Variants in SALL1 observed in about 807,000 individuals in gnomAD.
SALL1 encodes the protein spalt like transcription factor 1.
SALL1 carries 10 observed loss-of-function variants against 73.1 expected under a neutral mutation model. The ratio of observed to expected loss-of-function variants is 0.14; its 90% CI spans 0.08 to 0.23. SALL1 has a LOEUF of 0.23. Among genes scored for constraint, SALL1 ranks in the 10% least tolerant of loss-of-function variants. SALL1 has a pLI of 1.00. For synonymous variants in SALL1, 688 were observed against 689.8 expected, an observed-to-expected ratio of 1.00 and a Z score of 0.04; for missense variants, 1,520 against 1,697.3, an observed-to-expected ratio of 0.90 and a Z score of 1.84.
At chr16:51,150,946 G>C (rs1962589326) in intron 1 of SALL1, 4 of 412,666 alleles carry the variant, frequency 9.7e-6, no homozygotes, top group Non-Finnish European at 1.7e-5. Context: ...AGATCCTGCC[G>C]GGAGATGTGC....
chr16:51,137,049 A>C lies in SALL1; in HGVS notation c.*63T>G. 1.3e-6 allele frequency: 2 copies of C among 1,517,794 alleles called. No individual in the cohort carries two copies. The highest frequency in any genetic ancestry group is 1.8e-6 in the Non-Finnish European group (2 of 1,099,164). 94.0% of individuals were successfully genotyped at this position (1,517,794 alleles called of 1,614,324 possible). A position where few individuals can be genotyped will look rare whatever the true frequency, so the allele number is the denominator to read the frequency against. On this transcript the variant is annotated 3_prime_UTR_variant, in exon 3 of 3. Coordinates refer to ENST00000251020, the MANE Select transcript of SALL1 (RefSeq NM_002968.3). ...CGGGGCGGGGTGGGGGGCAAGGAGT[A>C]GGAGGCCACCATAGGTCGCATTCTG...
upstream of SALL1, chr16:51,151,288 A>G: frequency 7.2e-7 from 1 of 1,388,880 alleles, no homozygotes; most frequent in South Asian, 1.5e-5. Context: ...TACTAAAAAA[A>G]AATCTTCTCA....
rs751087975 is a variant in SALL1, at chr16:51,137,330, A to C, written c.3757T>G (p.Ser1253Ala). 1 of 1,614,100 alleles carries C rather than the reference A, an allele frequency of 6.2e-7. No homozygotes were observed. Among genetic ancestry groups the C allele is most frequent in the Non-Finnish European group, 8.5e-7 (1 of 1,180,014 alleles). Reference protein sequence around the residue: ...NGLAMKANEISVIQNGGIPPI... With the variant: ...NGLAMKANEIAVIQNGGIPPI... The stretch of plus-strand genomic sequence containing the variant: ...GGGATGCCACCGTTCTGAATGACGG[A>C]GATCTCGTTGGCCTTCATCGCCAGC... Residue 1253 changes from serine to alanine, a missense_variant, in exon 3 of 3, where the codon TCC becomes GCC. Ser to Ala is a moderately conservative substitution (Grantham distance 99, BLOSUM62 1). Around this residue, in one of 7 missense-constraint regions of SALL1, gnomAD observed 318 missense variants for 357.1 expected, o/e 0.89. Transcript: ENST00000251020.
At position 51,140,386 on chromosome 16, in the gene SALL1, G is replaced by C; in HGVS notation, c.1836C>G (p.Ala612=). 1.2e-6 allele frequency: 2 copies of C among 1,614,066 alleles called. No individual in the cohort carries two copies. The highest frequency in any genetic ancestry group is 1.7e-6 in the Non-Finnish European group (2 of 1,180,002). The change falls in exon 2 of 3, where the codon GCC becomes GCG. Residue 612 remains alanine, a synonymous_variant. Transcript: ENST00000251020. This position sits in a 1 kb window ranked among gnomAD's most constrained non-coding sequence, Gnocchi z 5.7. ...CAGAGGGTGGCAGAGTGGACCCTTC[G>C]GCTTCCTCTGGGAGCCCACCTAGGT... is the stretch of plus-strand genomic sequence containing the variant. ...TRNLGGLPEE[A]EGSTLPPSGG...
In SALL1 at chr16:51,141,062, G is replaced by A. The variant is rs758932930; in HGVS notation, c.1160C>T (p.Ala387Val). Reference protein sequence around the residue: ...AFAISSLLSPASNPLLPQQAS... With the variant: ...AFAISSLLSPVSNPLLPQQAS... ...TTGCTGAGGTAGAAGTGGATTAGAC[G>A]CAGGACTTAATAAACTGCTTATTGC... The change falls in exon 2 of 3, where the codon GCG (alanine) becomes GTG (valine). Residue 387 changes from alanine (A) to valine (V), a missense_variant. Around this residue, in one of 7 missense-constraint regions of SALL1, gnomAD observed 540 missense variants for 567.5 expected, o/e 0.95. Coordinates refer to ENST00000251020, the MANE Select transcript of SALL1 (RefSeq NM_002968.3). The surrounding 1 kb of genome is among the most constrained non-coding windows in gnomAD (Gnocchi z 5.4). 11 of 1,614,106 alleles carry A rather than the reference G, an allele frequency of 6.8e-6. No individual in the cohort carries two copies. The highest frequency in any genetic ancestry group is 6.7e-5 in the Admixed American group (4 of 60,014).
At position 51,141,604 on chromosome 16, in the gene SALL1, C is replaced by A. The variant is rs773443491; in HGVS notation, c.618G>T (p.Ala206=). The A allele has an allele frequency of 6.2e-7, 1 of 1,614,104 alleles. No individual in the cohort carries two copies. Among genetic ancestry groups the A allele is most frequent in the Non-Finnish European group, 8.5e-7 (1 of 1,180,030 alleles). The change falls in exon 2 of 3, where the codon GCG becomes GCT. Residue 206 remains alanine (A), a synonymous_variant. Coordinates refer to ENST00000251020, the MANE Select transcript of SALL1 (RefSeq NM_002968.3). The surrounding 1 kb of genome is among the most constrained non-coding windows in gnomAD (Gnocchi z 5.4). ...IIENLQSTKV[A]VAQFSQEARC... Reference sequence around the variant, plus strand: ...TCGCTTCCTGGGAGAACTGGGCCACCGCCACCTTGGTGCTCTGGAGGTTCT... The same window carrying A: ...TCGCTTCCTGGGAGAACTGGGCCACAGCCACCTTGGTGCTCTGGAGGTTCT...
Position 51,141,533 on chromosome 16 carries a change from A to T in SALL1, c.689T>A (p.Met230Lys), listed in dbSNP as rs1259430883. ...SGGKLAVPAL[M>K]EQLLALQQQQ... ...CTGCTGCAGAGCTAGGAGTTGTTCCATGAGGGCTGGGACGGCCAGCTTGCC... is the reference window on the plus strand; with the variant it reads ...CTGCTGCAGAGCTAGGAGTTGTTCCTTGAGGGCTGGGACGGCCAGCTTGCC... Residue 230 changes from methionine to lysine, a missense_variant, in exon 2 of 3, where the codon ATG (methionine) becomes AAG (lysine). Transcript: ENST00000251020. The surrounding 1 kb of genome is among the most constrained non-coding windows in gnomAD (Gnocchi z 5.4). 1.9e-6 allele frequency: 3 copies of T among 1,613,896 alleles called. No individual in the cohort carries two copies. The highest frequency in any genetic ancestry group is 2.5e-6 in the Non-Finnish European group (3 of 1,180,010).
chr16:51,149,885 CCTT>C (rs1597236025), intron 1 of SALL1: 2 of 152,300 alleles, frequency 1.3e-5, no homozygotes, highest in East Asian at 3.9e-4. Flanking sequence ...CCAGCTCCCT[CCTT>C]CACACCCCAA....
At chr16:51,151,815 TG>T (rs1362670822), upstream of SALL1, among the ~76,000 whole-genome samples, 1 of 140,992 alleles carries the variant, frequency 7.1e-6, no homozygotes, top group Non-Finnish European at 1.5e-5. Context: ...CCGCCCCGGG[TG>T]GGGGGTGGGG....
intron 1 of SALL1, among the ~76,000 whole-genome samples, chr16:51,146,437 A>G (rs1317911927): frequency 1.3e-5 from 2 of 152,170 alleles, no homozygotes; most frequent in Admixed American, 1.3e-4. Flanking sequence ...ACGCGTAAAA[A>G]AGAGACTCCT....
intron 1 of SALL1, among the ~76,000 whole-genome samples, chr16:51,145,982 T>C (rs1962512106): frequency 8.1e-6 from 1 of 124,072 alleles, no homozygotes; most frequent in Non-Finnish European, 1.6e-5. Flanking sequence ...GATTGGTCTT[T>C]TTTTTTTTTT....
intron 1 of SALL1, among the ~76,000 whole-genome samples, chr16:51,147,059 A>G (rs538049384): frequency 2.0e-4 from 31 of 152,304 alleles, no homozygotes; most frequent in Admixed American, 1.6e-3. Context: ...GATCTCCACC[A>G]TAAAAATGTG....
rs764325910 is a variant in SALL1 at position 51,137,171 on chromosome 16, C to G, written c.3916G>C (p.Gly1306Arg). 1.2e-6 allele frequency: 2 copies of G among 1,614,104 alleles called. No homozygotes were observed. Among genetic ancestry groups the G allele is most frequent in the Non-Finnish European group, 1.7e-6 (2 of 1,180,038 alleles). ...GLEKMASSEN[G>R]TNFRFTRFVE... ...AAGCGGGTGAAGCGGAAGTTGGTTC[C>G]GTTCTCACTGCTTGCCATTTTCTCC... The change falls in exon 3 of 3, where the codon GGA becomes CGA. Residue 1306 changes from glycine (G) to arginine (R), a missense_variant. Gly to Arg is a moderately radical substitution (Grantham distance 125). Coordinates refer to ENST00000251020, the MANE Select transcript of SALL1 (RefSeq NM_002968.3).
In SALL1 at chr16:51,141,954, G is replaced by C. The variant is rs749198993; in HGVS notation, c.268C>G (p.Pro90Ala). Reference sequence around the variant, plus strand: ...ATTTGTTCATCAGGATTATCAGGAGGGGGGCTGGGGGAGAAGGTTTCGGGT... The same window carrying C: ...ATTTGTTCATCAGGATTATCAGGAGCGGGGCTGGGGGAGAAGGTTTCGGGT... The part of the protein sequence containing the change: ...SPPETFSPSP[P>A]PDNPDEQMND... The change falls in exon 2 of 3, where the codon CCT becomes GCT. Residue 90 changes from proline (P) to alanine (A), a missense_variant. This residue lies in a region of SALL1 where 540 missense variants were observed against 567.5 expected (regional missense o/e 0.95). Coordinates refer to ENST00000251020, the MANE Select transcript of SALL1 (RefSeq NM_002968.3). This position sits in a 1 kb window ranked among gnomAD's most constrained non-coding sequence, Gnocchi z 5.4. 8.7e-6 allele frequency: 14 copies of C among 1,613,846 alleles called. No homozygotes were observed. Among genetic ancestry groups the C allele is most frequent in the Non-Finnish European group, 1.1e-5 (13 of 1,180,002 alleles).
upstream of SALL1, among the ~76,000 whole-genome samples, chr16:51,151,744 G>GCC (rs111822648): frequency 4.3e-4 from 63 of 146,732 alleles, no homozygotes; most frequent in African/African-American, 1.3e-3. Context: ...TCCCTCCTTC[G>GCC]CCCCCCCCCA....
intron 1 of SALL1, chr16:51,149,286 G>A (rs1962561446): frequency 6.6e-6 from 1 of 151,970 alleles, no homozygotes; most frequent in Admixed American, 6.6e-5. Flanking sequence ...TAGAAAACCA[G>A]TACAAATTTA....
chr16:51,146,202 G>A (rs1156603995), intron 1 of SALL1, among the ~76,000 whole-genome samples: 4 of 151,980 alleles, frequency 2.6e-5, no homozygotes, highest in Admixed American at 6.5e-5. Context: ...CTGTTCTGAC[G>A]GGGATTAGAG....
At chr16:51,150,536 CGGGTCAG>C (rs1359302505) in intron 1 of SALL1, 4 of 985,892 alleles carry the variant, frequency 4.1e-6, no homozygotes, top group Non-Finnish European at 3.6e-6. Flanking sequence ...GCAACCCCAG[CGGGTCAG>C]GCGCTGGCGC....
At position 51,138,799 on chromosome 16, in the gene SALL1, T is replaced by C. The variant is rs1300964631; in HGVS notation, c.3423A>G (p.Lys1141=). 1 of 1,614,186 alleles carries C rather than the reference T, an allele frequency of 6.2e-7. No homozygotes were observed. Among genetic ancestry groups the C allele is most frequent in the Non-Finnish European group, 8.5e-7 (1 of 1,180,026 alleles). Residue 1141 remains lysine (K), a synonymous_variant, in exon 2 of 3, where the codon AAA becomes AAG. Coordinates refer to ENST00000251020, the MANE Select transcript of SALL1 (RefSeq NM_002968.3). ...GCAGGGCACTCGATGAGGAGAAGGTTTTGCCACATGTGTTGCAGTAGTGCT... is the reference window on the plus strand; with the variant it reads ...GCAGGGCACTCGATGAGGAGAAGGTCTTGCCACATGTGTTGCAGTAGTGCT... ...PKQHYCNTCG[K]TFSSSSALQI...
Sources: gnomAD v4.1 joint callset for allele counts (sites outside exome capture counted in the v4.1 genomes callset) on GRCh38, gnomAD v4.1.1 for gene constraint, gnomAD v4.1.1 regional missense constraint, Gnocchi (gnomAD v3.1) non-coding constraint, MANE v1.5 for transcripts, NCBI Gene and HGNC (gene_info 2026-07-23, HGNC 2026-07-21) for gene names.